Variants in TRNAU1AP observed in about 807,000 individuals in gnomAD.
TRNAU1AP encodes tRNA selenocysteine 1 associated protein 1.
A neutral mutation model predicts 43.3 loss-of-function variants in TRNAU1AP; 33 were observed. The ratio of observed to expected loss-of-function variants is 0.76; its 90% confidence interval spans 0.58 to 1.02. The LOEUF is 1.02. Ranked by LOEUF, TRNAU1AP falls within the 50% of genes least tolerant of loss-of-function variation. The pLI is 0.00. For synonymous variants in TRNAU1AP, 143 were observed against 129.1 expected (o/e 1.11, Z -0.73); for missense variants, 290 against 362.7 (o/e 0.80, Z 1.63).
chr1:28,566,775 A>AAG (rs201043077), intron 5 of TRNAU1AP, among the ~76,000 whole-genome samples: 1 of 151,564 alleles, frequency 6.6e-6, no homozygotes, highest in African/African-American at 2.4e-5. Flanking sequence ...AAAAAAAAAA[A>AAG]AGAGAGAGAA....
At chr1:28,568,916 A>G (rs911231937) in intron 6 of TRNAU1AP, among the ~76,000 whole-genome samples, 1 of 151,342 alleles carries the variant, frequency 6.6e-6, no homozygotes, top group African/African-American at 2.4e-5. Context: ...GGTTCAAGCG[A>G]TTCTCCTGCC....
At chr1:28,555,636 A>G (rs1324868813) in intron 2 of TRNAU1AP, among the ~76,000 whole-genome samples, 1 of 149,920 alleles carries the variant, frequency 6.7e-6, no homozygotes, top group Non-Finnish European at 1.5e-5. Context: ...TCGGTACTCT[A>G]CTACATGTGG....
At chr1:28,560,284 T>TG (rs1466935942) in intron 2 of TRNAU1AP, among the ~76,000 whole-genome samples, 1 of 151,448 alleles carries the variant, frequency 6.6e-6, no homozygotes, top group African/African-American at 2.4e-5. Flanking sequence ...TGAGCCTTTT[T>TG]TTTTTTTTTT....
chr1:28,564,862 A>G, intron 5 of TRNAU1AP, 28 bp downstream of exon 5: 1 of 1,613,476 alleles, frequency 6.2e-7, no homozygotes, highest in Non-Finnish European at 8.5e-7. Flanking sequence ...ACTGATGCTT[A>G]ACTGTGTTAG....
intron 7 of TRNAU1AP, among the ~76,000 whole-genome samples, chr1:28,571,626 A>G (rs1161119486): frequency 1.3e-5 from 2 of 152,052 alleles, no homozygotes; most frequent in African/African-American, 4.8e-5. Context: ...TACTAAAAAT[A>G]CAAAAAATTA....
rs374324607 is a variant in TRNAU1AP, at chr1:28,577,554, G to C, written c.782G>C (p.Ser261Thr). ...GCCAACAAGGAGTTCATGGAACAGA[G>C]TGAGGAGCTGTATGACGCTCTGATG... ...TEANKEFMEQ[S>T]EELYDALMDC... Residue 261 changes from serine (S) to threonine (T), a missense_variant, in exon 9 of 9, where the codon AGT becomes ACT. Ser to Thr is a moderately conservative substitution (Grantham distance 58, BLOSUM62 1). Around this residue, in one of 3 missense-constraint regions of TRNAU1AP, gnomAD observed 57 missense variants for 55.1 expected, o/e 1.03. Coordinates refer to ENST00000373830, the MANE Select transcript of TRNAU1AP (RefSeq NM_017846.5). 7 of 1,614,134 alleles carry C rather than the reference G, an allele frequency of 4.3e-6. No individual in the cohort carries two copies. The highest frequency in any genetic ancestry group is 1.3e-5 in the African/African-American group (1 of 75,042).
At position 28,560,735 on chromosome 1, in the gene TRNAU1AP, A is replaced by G; in HGVS notation, c.225+3A>G. ...AACCCCTTCCAGGAGCCACACCTGT[A>G]AGGACATTTAGATAATGATGATGTT... On this transcript the variant is annotated splice_donor_region_variant and intron_variant, in intron 3 of 8. Coordinates refer to ENST00000373830, the MANE Select transcript of TRNAU1AP (RefSeq NM_017846.5). The G allele has an allele frequency of 1.2e-6, 2 of 1,607,076 alleles. No individual in the cohort carries two copies. The highest frequency in any genetic ancestry group is 1.7e-6 in the Non-Finnish European group (2 of 1,173,780).
Position 28,577,506 on chromosome 1 carries a change from T to G in TRNAU1AP, c.734T>G (p.Met245Arg). 6.2e-7 allele frequency: 1 copy of G among 1,613,876 alleles called. No homozygotes were observed. Among genetic ancestry groups the G allele is most frequent in the Non-Finnish European group, 8.5e-7 (1 of 1,179,904 alleles). Reference protein sequence around the residue: ...EVGDDALEDPMPQLDVTEANK... With the variant: ...EVGDDALEDPRPQLDVTEANK... ...ATCCTTGCTTGCTTTCCAGACCCCA[T>G]GCCACAGCTGGATGTGACTGAGGCC... is the stretch of plus-strand genomic sequence containing the variant. The change falls in exon 9 of 9, where the codon ATG becomes AGG. Residue 245 changes from methionine to arginine, a missense_variant. Coordinates refer to ENST00000373830, the MANE Select transcript of TRNAU1AP (RefSeq NM_017846.5).
intron 4 of TRNAU1AP, among the ~76,000 whole-genome samples, chr1:28,562,577 C>G (rs920092808): frequency 7.9e-5 from 12 of 151,282 alleles, no homozygotes; most frequent in African/African-American, 2.9e-4. Flanking sequence ...TTTCTTTGCA[C>G]TTTTGTGTTT....
At chr1:28,561,868 C>T (rs553841484) in intron 4 of TRNAU1AP, among the ~76,000 whole-genome samples, 6 of 152,192 alleles carry the variant, frequency 3.9e-5, no homozygotes, top group South Asian at 2.1e-4. Context: ...GTCAGGAGAT[C>T]GAGACCATCC....
At chr1:28,571,609 C>G (rs1200376432) in intron 7 of TRNAU1AP, among the ~76,000 whole-genome samples, 2 of 152,034 alleles carry the variant, frequency 1.3e-5, no homozygotes, top group South Asian at 4.2e-4. Context: ...TGGTGAAACC[C>G]TGTATCTACT....
intron 1 of TRNAU1AP, 109 bp from the exon 2 acceptor site, chr1:28,553,531 C>T: frequency 3.8e-6 from 4 of 1,049,256 alleles, no homozygotes; most frequent in Non-Finnish European, 5.7e-6. Context: ...TCGCCCCTCG[C>T]TCCCCCAGCG....
At chr1:28,560,363 C>T (rs1665378452) in intron 2 of TRNAU1AP, among the ~76,000 whole-genome samples, 1 of 150,970 alleles carries the variant, frequency 6.6e-6, no homozygotes, top group African/African-American at 2.4e-5. Flanking sequence ...CTCACTGCAA[C>T]CTCCACCTCC....
intron 8 of TRNAU1AP, among the ~76,000 whole-genome samples, chr1:28,575,115 C>A (rs1665745561): frequency 6.6e-6 from 1 of 152,130 alleles, no homozygotes; most frequent in South Asian, 2.1e-4. Context: ...CTCATAATAT[C>A]TGTAGATAAG....
rs1423177799 is a variant in TRNAU1AP, at chr1:28,577,585, T to C, written c.813T>C (p.Cys271=). 3 of 1,614,128 alleles carry C rather than the reference T, an allele frequency of 1.9e-6. No individual in the cohort carries two copies. The highest frequency in any genetic ancestry group is 1.7e-5 in the Admixed American group (1 of 59,996). Residue 271 remains cysteine (C), a synonymous_variant, in exon 9 of 9, where the codon TGT becomes TGC. Coordinates refer to ENST00000373830, the MANE Select transcript of TRNAU1AP (RefSeq NM_017846.5). Reference sequence around the variant, plus strand: ...AGCTGTATGACGCTCTGATGGACTGTCACTGGCAGCCCCTGGACACAGTGT... The same window carrying C: ...AGCTGTATGACGCTCTGATGGACTGCCACTGGCAGCCCCTGGACACAGTGT... ...SEELYDALMD[C]HWQPLDTVSS...
Position 28,577,749 on chromosome 1 carries a change from T to C in TRNAU1AP, c.*113T>C, listed in dbSNP as rs1665831284. 1.1e-5 allele frequency: 13 copies of C among 1,212,868 alleles called. No homozygotes were observed. Among genetic ancestry groups the C allele is most frequent in the Non-Finnish European group, 1.5e-5 (13 of 863,272 alleles). 75.1% of individuals were successfully genotyped at this position (1,212,868 alleles called of 1,614,324 possible). On this transcript the variant is annotated 3_prime_UTR_variant, in exon 9 of 9. Transcript: ENST00000373830. ...TTTGTAAGATTTTAATAATGACTGT[T>C]TTTGGAGATCATGAATGTTTCTACA...
In TRNAU1AP at chr1:28,564,784, C is replaced by A. The variant is rs1184061608; in HGVS notation, c.360C>A (p.Tyr120Ter). 1 of 1,614,156 alleles carries A rather than the reference C, an allele frequency of 6.2e-7. No homozygotes were observed. The highest frequency in any genetic ancestry group is 8.5e-7 in the Non-Finnish European group (1 of 1,180,018). ...GMLYEFFVKV[Y>*]PSCRGGKVVL... is the part of the protein sequence containing the mutation. Reference sequence around the variant, plus strand: ...TGTATGAATTCTTCGTCAAAGTCTACCCCTCCTGTCGGGGAGGCAAGGTGG... The same window carrying A: ...TGTATGAATTCTTCGTCAAAGTCTAACCCTCCTGTCGGGGAGGCAAGGTGG... Residue 120 changes from tyrosine to a stop codon, truncating the protein, a stop_gained, in exon 5 of 9, where the codon TAC (tyrosine) becomes TAA (stop). Coordinates refer to ENST00000373830, the MANE Select transcript of TRNAU1AP (RefSeq NM_017846.5). LOFTEE classifies it high-confidence loss of function.
chr1:28,563,819 T>C (rs1371883141), intron 4 of TRNAU1AP, among the ~76,000 whole-genome samples: 1 of 151,952 alleles, frequency 6.6e-6, no homozygotes, highest in African/African-American at 2.4e-5. Flanking sequence ...GCCACTGCAC[T>C]CCAGCCTAGG....
At chr1:28,571,379 TTCTCC>T in intron 7 of TRNAU1AP, 41 bp downstream of exon 7, 1 of 1,607,392 alleles carries the variant, frequency 6.2e-7, no homozygotes, top group Non-Finnish European at 8.5e-7. Flanking sequence ...TGGGTTGTGT[TTCTCC>T]TCTAGAAACA....
Sources: gnomAD v4.1 joint callset for allele counts (sites outside exome capture counted in the v4.1 genomes callset) on GRCh38, gnomAD v4.1.1 for gene constraint, gnomAD v4.1.1 regional missense constraint, MANE v1.5 for transcripts, NCBI Gene and HGNC (gene_info 2026-07-23, HGNC 2026-07-21) for gene names.